The following ERCC5 variants were observed in gnomAD, a reference collection of about 807,000 sequenced individuals.
ERCC5 encodes the protein DNA excision repair protein ERCC-5.
A neutral mutation model predicts 105.6 loss-of-function variants in ERCC5; 68 were observed. The observed-to-expected ratio is 0.64, with a 90% CI of 0.53 to 0.79. The LOEUF is 0.79. ERCC5 is among the 30% of genes least tolerant of loss of function. The pLI is 0.00. For missense variants in ERCC5, 1,373 were observed against 1,426.7 expected (o/e 0.96, Z 0.61); for synonymous variants, 546 against 526.2 (o/e 1.04, Z -0.51).
intron 1 of ERCC5, chr13:102,849,307 C>T (rs767092048): frequency 1.9e-6 from 1 of 518,806 alleles, no homozygotes. Flanking sequence ...TTCACATGTT[C>T]ATCAAAGTTA....
At chr13:102,849,426 A>C (rs752182205) in intron 1 of ERCC5, 1 of 518,922 alleles carries the variant, frequency 1.9e-6, no homozygotes, top group Non-Finnish European at 3.8e-6. Flanking sequence ...TGTTTTGTTC[A>C]TGGCTGAATT....
In ERCC5 at chr13:102,861,660, G is replaced by A. The variant is rs371712326; in HGVS notation, c.826G>A (p.Val276Ile). The stretch of plus-strand genomic sequence containing the variant: ...AGATGAAGGGGGCTTTCTGAAGGAG[G>A]TAGAGTCAAGGAGAGTGGTCTCTGA... ...YEDEGGFLKEVESRRVVSEDT... is the reference protein window; with the variant it reads ...YEDEGGFLKEIESRRVVSEDT... The change falls in exon 7 of 15, where the codon GTA (valine) becomes ATA (isoleucine). Residue 276 changes from valine to isoleucine, a missense_variant. Physicochemically the swap from Val to Ile is conservative, Grantham distance 29. Coordinates refer to ENST00000652225, the MANE Select transcript of ERCC5 (RefSeq NM_000123.4). 3.1e-6 allele frequency: 5 copies of A among 1,614,020 alleles called. No homozygotes were observed. The highest frequency in any genetic ancestry group is 1.3e-5 in the African/African-American group (1 of 74,914).
Position 102,862,807 on chromosome 13 carries a change from A to C in ERCC5, c.1658A>C (p.Glu553Ala), listed in dbSNP as rs1221517204. The C allele has an allele frequency of 6.2e-7, 1 of 1,614,224 alleles. No individual in the cohort carries two copies. The highest frequency in any genetic ancestry group is 8.5e-7 in the Non-Finnish European group (1 of 1,180,032). Residue 553 changes from glutamate (E) to alanine (A), a missense_variant, in exon 8 of 15, where the codon GAG becomes GCG. This residue lies in a region of ERCC5 where 1,004 missense variants were observed against 1,059.7 expected (regional missense o/e 0.95). Transcript: ENST00000652225. ...LEQQNELCPYESKFDSSLLSS... is the reference protein window; with the variant it reads ...LEQQNELCPYASKFDSSLLSS... ...CAGCAGAACGAACTTTGCCCATATGAGAGTAAATTCGATTCTTCTCTTCTT... is the reference window on the plus strand; with the variant it reads ...CAGCAGAACGAACTTTGCCCATATGCGAGTAAATTCGATTCTTCTCTTCTT...
At chr13:102,858,950 C>T (rs1285571412) in intron 6 of ERCC5, 2 of 456,074 alleles carry the variant, frequency 4.4e-6, no homozygotes, top group Middle Eastern at 3.3e-4. Context: ...ATGCCATTGG[C>T]TCTCCACATT....
intron 1 of ERCC5, among the ~76,000 whole-genome samples, chr13:102,847,432 T>C (rs926308753): frequency 3.3e-5 from 5 of 151,612 alleles, no homozygotes; most frequent in African/African-American, 9.7e-5. Flanking sequence ...TGCGGGGGGA[T>C]TGGGGACGGG....
chr13:102,864,588 T>C (rs1051117359), intron 8 of ERCC5: 1 of 152,208 alleles, frequency 6.6e-6, no homozygotes, highest in Non-Finnish European at 1.5e-5. Context: ...TTTTTCATTA[T>C]ATTTTGAGCT....
intron 12 of ERCC5, among the ~76,000 whole-genome samples, chr13:102,870,002 C>T (rs952785816): frequency 2.0e-5 from 3 of 152,306 alleles, no homozygotes; most frequent in East Asian, 1.9e-4. Flanking sequence ...GAGCAGCCTT[C>T]GCTCTGCCTG....
At chr13:102,853,908 T>C in intron 3 of ERCC5, 36 bp downstream of exon 3, 1 of 1,598,900 alleles carries the variant, frequency 6.3e-7, no homozygotes, top group Non-Finnish European at 8.6e-7. Context: ...AGAGATGAAG[T>C]TTTAAAAAAG....
Position 102,856,080 on chromosome 13 carries a change from C to G in ERCC5, c.496C>G (p.Gln166Glu), listed in dbSNP as rs772283134. The change falls in exon 5 of 15, where the codon CAA (glutamine) becomes GAA (glutamate). Residue 166 changes from glutamine (Q) to glutamate (E), a missense_variant. Around this residue, in one of 3 missense-constraint regions of ERCC5, gnomAD observed 1,004 missense variants for 1,059.7 expected, o/e 0.95. Transcript: ENST00000652225. ...AGAAGAGGAAGATGAAAAAGAATGG[C>G]AAGAAAGAATGAATCAAAAACAAGC... Reference protein sequence around the residue: ...SSEEEDEKEWQERMNQKQALQ... With the variant: ...SSEEEDEKEWEERMNQKQALQ... 10 of 1,613,740 alleles carry G rather than the reference C, an allele frequency of 6.2e-6. No individual in the cohort carries two copies. Among genetic ancestry groups the G allele is most frequent in the Non-Finnish European group, 8.5e-6 (10 of 1,179,862 alleles).
At chr13:102,855,897 G>A (rs550750970) in intron 4 of ERCC5, among the ~76,000 whole-genome samples, 155 bp from the exon 5 acceptor site, 4 of 152,218 alleles carry the variant, frequency 2.6e-5, no homozygotes, top group East Asian at 1.9e-4. Flanking sequence ...TTACTTACAC[G>A]TGTCCCCCAC....
In ERCC5 at chr13:102,862,532, T is replaced by A; in HGVS notation, c.1383T>A (p.Thr461=). 1 of 1,614,028 alleles carries A rather than the reference T, an allele frequency of 6.2e-7. No homozygotes were observed. The highest frequency in any genetic ancestry group is 1.1e-5 in the South Asian group (1 of 91,070). Reference sequence around the variant, plus strand: ...CTGCAGAGGAGCACGTAGCCAGCACTAATGAGGGGAGAGAGCCCACAGACT... The same window carrying A: ...CTGCAGAGGAGCACGTAGCCAGCACAAATGAGGGGAGAGAGCCCACAGACT... ...VNSAEEHVAS[T]NEGREPTDSV... is the part of the protein sequence containing the mutation. The change falls in exon 8 of 15, where the codon ACT becomes ACA. Residue 461 remains threonine, a synonymous_variant. Transcript: ENST00000652225.
chr13:102,875,575 C>T lies in ERCC5; in HGVS notation c.3233C>T (p.Ser1078Phe). Residue 1078 changes from serine to phenylalanine, a missense_variant, in exon 15 of 15, where the codon TCT (serine) becomes TTT (phenylalanine). This residue lies in a region of ERCC5 where 367 missense variants were observed against 350.2 expected (regional missense o/e 1.05). Transcript: ENST00000652225. ...CTGAAAAGAAAGAGGCTTTCAGATT[C>T]TAAAGGAAAGAATACATGCGGTGGA... ...SSLKRKRLSD[S>F]KGKNTCGGFL... is the part of the protein sequence containing the mutation. 1 of 1,612,786 alleles carries T rather than the reference C, an allele frequency of 6.2e-7. No individual in the cohort carries two copies. Among genetic ancestry groups the T allele is most frequent in the Non-Finnish European group, 8.5e-7 (1 of 1,179,466 alleles).
At position 102,856,095 on chromosome 13, in the gene ERCC5, C is replaced by A. The variant is rs762256976; in HGVS notation, c.511C>A (p.Gln171Lys). ...DEKEWQERMN[Q>K]KQALQEEFFH... Reference sequence around the variant, plus strand: ...AAAAGAATGGCAAGAAAGAATGAATCAAAAACAAGCATTACAGGTATTTAG... The same window carrying A: ...AAAAGAATGGCAAGAAAGAATGAATAAAAAACAAGCATTACAGGTATTTAG... Residue 171 changes from glutamine (Q) to lysine (K), a missense_variant, in exon 5 of 15, where the codon CAA becomes AAA. Physicochemically the swap from Gln to Lys is moderately conservative, Grantham distance 53. Around this residue, in one of 3 missense-constraint regions of ERCC5, gnomAD observed 1,004 missense variants for 1,059.7 expected, o/e 0.95. Transcript: ENST00000652225. 1 of 1,613,654 alleles carries A rather than the reference C, an allele frequency of 6.2e-7. No homozygotes were observed. The highest frequency in any genetic ancestry group is 1.3e-5 in the African/African-American group (1 of 75,010).
At chr13:102,866,440 A>G (rs1346842502) in intron 10 of ERCC5, 59 bp downstream of exon 10, 3 of 1,613,358 alleles carry the variant, frequency 1.9e-6, no homozygotes, top group Non-Finnish European at 2.5e-6. Context: ...GGGGGAATGC[A>G]CTGCATGAAG....
In ERCC5 at chr13:102,853,840, A is replaced by G; in HGVS notation, c.348A>G (p.Arg116=). 1.2e-6 allele frequency: 2 copies of G among 1,614,240 alleles called. No individual in the cohort carries two copies. The highest frequency in any genetic ancestry group is 1.7e-6 in the Non-Finnish European group (2 of 1,180,030). The change falls in exon 3 of 15, where the codon AGA becomes AGG. Residue 116 remains arginine, a synonymous_variant. Transcript: ENST00000652225. ...TEKLLKTFLK[R]QAIKTAFRSK... ...AGCTTCTGAAAACATTTTTGAAAAG[A>G]CAAGCCATCAAAACTGCCTTCAGAA...
chr13:102,874,545 G>A (rs879844033), intron 14 of ERCC5, among the ~76,000 whole-genome samples: 20 of 151,496 alleles, frequency 1.3e-4, no homozygotes, highest in Non-Finnish European at 2.5e-4. Flanking sequence ...TTTTTGAGAC[G>A]GAGTCTCACT....
rs370851563 is a variant in ERCC5, at chr13:102,862,679, T to C, written c.1530T>C (p.His510=). The change falls in exon 8 of 15, where the codon CAT becomes CAC. Residue 510 remains histidine, a synonymous_variant. Transcript: ENST00000652225. ...RLPLESAVVR[H]SDAPGLPNGR... is the part of the protein sequence containing the mutation. ...CTCTGGAGAGTGCAGTGGTTAGACATAGTGACGCACCTGGGCTCCCGAATG... is the reference window on the plus strand; with the variant it reads ...CTCTGGAGAGTGCAGTGGTTAGACACAGTGACGCACCTGGGCTCCCGAATG... The C allele has an allele frequency of 1.9e-6, 3 of 1,614,006 alleles. No homozygotes were observed. The highest frequency in any genetic ancestry group is 2.7e-5 in the African/African-American group (2 of 74,906).
intron 2 of ERCC5, among the ~76,000 whole-genome samples, chr13:102,853,153 A>T (rs905068389): frequency 3.3e-5 from 5 of 152,200 alleles, no homozygotes; most frequent in African/African-American, 1.2e-4. Context: ...TGAATGTTGC[A>T]GTTTTCAGTT....
Position 102,875,430 on chromosome 13 carries a change from G to C in ERCC5, c.3088G>C (p.Ala1030Pro), listed in dbSNP as rs376812170. Reference protein sequence around the residue: ...TCMLRKEKEAAASEIEAVSVA... With the variant: ...TCMLRKEKEAPASEIEAVSVA... ...TATGCTAAGGAAAGAGAAAGAAGCA[G>C]CAGCCAGCGAAATAGAAGCAGTTTC... The change falls in exon 15 of 15, where the codon GCA becomes CCA. Residue 1030 changes from alanine (A) to proline (P), a missense_variant. Around this residue, in one of 3 missense-constraint regions of ERCC5, gnomAD observed 367 missense variants for 350.2 expected, o/e 1.05. Coordinates refer to ENST00000652225, the MANE Select transcript of ERCC5 (RefSeq NM_000123.4). 6.2e-7 allele frequency: 1 copy of C among 1,614,208 alleles called. No homozygotes were observed. Among genetic ancestry groups the C allele is most frequent in the Non-Finnish European group, 8.5e-7 (1 of 1,180,036 alleles).
Sources: allele counts gnomAD v4.1 joint callset (sites outside exome capture counted in the v4.1 genomes callset), GRCh38; gene constraint gnomAD v4.1.1; regional missense constraint gnomAD v4.1.1; transcripts MANE v1.5; gene names NCBI Gene and HGNC (gene_info 2026-07-23, HGNC 2026-07-21).